The following SAMD12 variants were observed in gnomAD, a reference collection of about 807,000 sequenced individuals.
The protein encoded by SAMD12 is sterile alpha motif domain containing 12.
A neutral mutation model predicts 15.0 loss-of-function variants in SAMD12; 9 were observed. The observed-to-expected ratio is 0.60, with a 90% confidence interval of 0.36 to 1.05. SAMD12 has a LOEUF of 1.05. SAMD12 is among the 50% of genes least tolerant of loss of function. SAMD12 has a pLI of 0.01. For missense variants in SAMD12, 230 were observed against 234.2 expected (o/e 0.98, Z 0.12); for synonymous variants, 86 against 90.1 (o/e 0.96, Z 0.25).
intron 2 of SAMD12, among the ~76,000 whole-genome samples, chr8:118,442,954 T>A (rs908836999): frequency 6.6e-6 from 1 of 152,236 alleles, no homozygotes; most frequent in East Asian, 1.9e-4. Flanking sequence ...TCAGCTGGGC[T>A]TCAGGTGGAG....
chr8:118,360,998 A>C (rs919367963), intron 4 of SAMD12, among the ~76,000 whole-genome samples: 1 of 152,180 alleles, frequency 6.6e-6, no homozygotes, highest in Non-Finnish European at 1.5e-5. Context: ...TAAGGCCCAC[A>C]TGTTTAATAT....
chr8:118,162,821 C>G, the SAMD12 span, among the ~76,000 whole-genome samples: 2 of 152,084 alleles, frequency 1.3e-5, no homozygotes, highest in African/African-American at 2.4e-5. Context: ...AGCATAGCCA[C>G]AAATTGAAGG....
the SAMD12 span, among the ~76,000 whole-genome samples, chr8:118,184,167 T>TA: frequency 6.6e-5 from 10 of 150,696 alleles, no homozygotes; most frequent in East Asian, 3.9e-4. Context: ...CAAAATGAAA[T>TA]AAAAAAAAAT....
At chr8:118,602,632 T>A (rs1827888530) in intron 1 of SAMD12, among the ~76,000 whole-genome samples, 1 of 152,208 alleles carries the variant, frequency 6.6e-6, no homozygotes, top group African/African-American at 2.4e-5. Flanking sequence ...GGCTTTTATC[T>A]GGGTAATTAA....
At chr8:118,446,284 G>A (rs2130904174) in intron 2 of SAMD12, among the ~76,000 whole-genome samples, 1 of 150,936 alleles carries the variant, frequency 6.6e-6, no homozygotes, top group Non-Finnish European at 1.5e-5. Flanking sequence ...TATTATTAAT[G>A]GACTTTAAAA....
At chr8:118,517,309 C>T (rs547158959) in intron 2 of SAMD12, among the ~76,000 whole-genome samples, 1 of 152,284 alleles carries the variant, frequency 6.6e-6, no homozygotes, top group Non-Finnish European at 1.5e-5. Context: ...AGGTCAATCA[C>T]AGTTGTAGCA....
the SAMD12 span, among the ~76,000 whole-genome samples, chr8:118,164,123 C>T: frequency 1.3e-5 from 2 of 152,010 alleles, no homozygotes; most frequent in African/African-American, 4.8e-5. Flanking sequence ...GGAGGGAGAG[C>T]AGCAGGAGGA....
chr8:118,205,187 C>T (rs1366964731), intron 4 of SAMD12, among the ~76,000 whole-genome samples: 2 of 152,232 alleles, frequency 1.3e-5, no homozygotes, highest in Non-Finnish European at 2.9e-5. Flanking sequence ...GGAACCATAC[C>T]GTTGGCTCTC....
chr8:118,559,264 C>T (rs1563584236), intron 2 of SAMD12, among the ~76,000 whole-genome samples: 1 of 152,210 alleles, frequency 6.6e-6, no homozygotes. Flanking sequence ...CTTTTGCTTT[C>T]CTGTACTCAA....
chr8:118,474,175 G>C (rs1328158991), intron 2 of SAMD12, among the ~76,000 whole-genome samples: 3 of 152,014 alleles, frequency 2.0e-5, no homozygotes, highest in Non-Finnish European at 1.5e-5. Flanking sequence ...TGGCCAGGCT[G>C]GTGTCGAACT....
intron 4 of SAMD12, among the ~76,000 whole-genome samples, chr8:118,345,320 CGATGCTCACACAAT>C (rs1478811647): frequency 1.3e-5 from 2 of 152,118 alleles, no homozygotes; most frequent in Non-Finnish European, 2.9e-5. Context: ...GCACACACTG[CGATGCTCACACAAT>C]GAAATTATCT....
At chr8:118,180,373 A>T in the SAMD12 span, among the ~76,000 whole-genome samples, 18 of 152,304 alleles carry the variant, frequency 1.2e-4, no homozygotes, top group East Asian at 3.3e-3. Flanking sequence ...TGCCAAAAAT[A>T]TGTAATACAA....
At chr8:118,511,325 C>T (rs560043242) in intron 2 of SAMD12, among the ~76,000 whole-genome samples, 1 of 152,150 alleles carries the variant, frequency 6.6e-6, no homozygotes. Flanking sequence ...AGGCGAAAAC[C>T]ATTAAAAACT....
chr8:118,249,314 A>G (rs1447925621), intron 4 of SAMD12, among the ~76,000 whole-genome samples: 2 of 152,176 alleles, frequency 1.3e-5, no homozygotes, highest in African/African-American at 4.8e-5. Flanking sequence ...ATCCTCCAGT[A>G]TATGCACATA....
At chr8:118,154,775 G>T in the SAMD12 span, among the ~76,000 whole-genome samples, 1 of 152,182 alleles carries the variant, frequency 6.6e-6, no homozygotes, top group Non-Finnish European at 1.5e-5. Context: ...ATAATAGCAT[G>T]AGTTAAAGTA....
chr8:118,181,721 C>G, the SAMD12 span, among the ~76,000 whole-genome samples: 1 of 152,208 alleles, frequency 6.6e-6, no homozygotes, highest in Non-Finnish European at 1.5e-5. Context: ...ATAAATCTTT[C>G]TCTTTCTGTC....
the SAMD12 span, among the ~76,000 whole-genome samples, chr8:118,135,068 A>G: frequency 6.6e-6 from 1 of 152,234 alleles, no homozygotes; most frequent in Non-Finnish European, 1.5e-5. Context: ...TATATGTGAC[A>G]CCAAGTATAT....
intron 3 of SAMD12, among the ~76,000 whole-genome samples, chr8:118,436,141 A>AG (rs1185346336): frequency 3.5e-5 from 4 of 112,814 alleles, no homozygotes; most frequent in Non-Finnish European, 8.5e-5. Flanking sequence ...ATGCAAGCAC[A>AG]ATTTTTTCCT....
At chr8:118,464,760 T>G (rs1563876344) in intron 2 of SAMD12, among the ~76,000 whole-genome samples, 1 of 152,106 alleles carries the variant, frequency 6.6e-6, no homozygotes, top group African/African-American at 2.4e-5. Context: ...TGGGCAAGAT[T>G]TGCCAATGAA....
Sources: allele counts gnomAD v4.1 joint callset (sites outside exome capture counted in the v4.1 genomes callset), GRCh38; gene constraint gnomAD v4.1.1; transcripts MANE v1.5; gene names NCBI Gene and HGNC (gene_info 2026-07-23, HGNC 2026-07-21).